The following ST7 variants were observed in gnomAD, a reference collection of about 807,000 sequenced individuals.
ST7 encodes the protein suppressor of tumorigenicity 7 protein.
A neutral mutation model predicts 78.7 loss-of-function variants in ST7; 28 were observed. The observed-to-expected ratio is 0.36, with a 90% confidence interval of 0.26 to 0.49. The LOEUF is 0.49. Ranked by LOEUF, ST7 falls within the 20% of genes least tolerant of loss-of-function variation. The pLI, the probability that ST7 is intolerant of heterozygous loss-of-function variation, is 0.99. For synonymous variants in ST7, 247 were observed against 249.6 expected (o/e 0.99, Z 0.10); for missense variants, 418 against 696.0 (o/e 0.60, Z 4.49).
chr7:116,977,251 G>A (rs1212978493), intron 1 of ST7, among the ~76,000 whole-genome samples: 1 of 152,136 alleles, frequency 6.6e-6, no homozygotes, highest in Non-Finnish European at 1.5e-5. Context: ...ACCCCACTAA[G>A]TAAGTAAGGT....
chr7:117,051,249 A>G (rs1461989405), intron 1 of ST7, among the ~76,000 whole-genome samples: 1 of 152,234 alleles, frequency 6.6e-6, no homozygotes, highest in Non-Finnish European at 1.5e-5. Context: ...ACAACAAACA[A>G]ATAGGCAACA....
chr7:117,217,866 G>A (rs556759001), intron 13 of ST7, among the ~76,000 whole-genome samples: 1 of 152,102 alleles, frequency 6.6e-6, no homozygotes, highest in African/African-American at 2.4e-5. Flanking sequence ...ATACCACTGC[G>A]GTGTAGATTG....
intron 9 of ST7, among the ~76,000 whole-genome samples, chr7:117,154,594 A>G (rs1412171341): frequency 6.6e-6 from 1 of 152,186 alleles, no homozygotes; most frequent in African/African-American, 2.4e-5. Context: ...AACTGAAAGG[A>G]GGTGAGTTAA....
At chr7:116,969,275 A>G (rs1249624316) in intron 1 of ST7, among the ~76,000 whole-genome samples, 1 of 152,058 alleles carries the variant, frequency 6.6e-6, no homozygotes, top group East Asian at 1.9e-4. Flanking sequence ...ATATCTCCCT[A>G]GAATCCTCTT....
chr7:117,099,691 A>G (rs2116797021), intron 1 of ST7, 71 bp from the exon 2 acceptor site: 1 of 1,079,046 alleles, frequency 9.3e-7, no homozygotes, highest in South Asian at 1.5e-5. Context: ...GAGAAAAATG[A>G]AAGAGCTGGT....
At chr7:117,132,948 AC>A (rs1804485712) in intron 6 of ST7, among the ~76,000 whole-genome samples, 1 of 151,884 alleles carries the variant, frequency 6.6e-6, no homozygotes, top group South Asian at 2.1e-4. Context: ...TTACTAAGCC[AC>A]CCAGTTACAC....
At chr7:117,014,802 G>A in intron 1 of ST7, 1 of 377,208 alleles carries the variant, frequency 2.7e-6, no homozygotes. Flanking sequence ...CATTTCTAAG[G>A]ACGACTTTAA....
At chr7:117,126,583 A>G (rs1415108713) in intron 3 of ST7, among the ~76,000 whole-genome samples, 1 of 151,920 alleles carries the variant, frequency 6.6e-6, no homozygotes, top group African/African-American at 2.4e-5. Context: ...AGATTAATGC[A>G]TAATTACCCA....
At chr7:117,163,562 T>G (rs1341238252) in intron 9 of ST7, among the ~76,000 whole-genome samples, 1 of 152,232 alleles carries the variant, frequency 6.6e-6, no homozygotes, top group Non-Finnish European at 1.5e-5. Context: ...GAGCATTTTT[T>G]CATAGATTTG....
intron 1 of ST7, among the ~76,000 whole-genome samples, chr7:116,971,507 A>G (rs1793417681): frequency 6.6e-6 from 1 of 151,726 alleles, no homozygotes; most frequent in Non-Finnish European, 1.5e-5. Context: ...GATTTGGTCA[A>G]TTCTAATGAA....
intron 1 of ST7, among the ~76,000 whole-genome samples, chr7:116,997,743 A>T (rs1470718996): frequency 6.6e-6 from 1 of 152,116 alleles, no homozygotes; most frequent in African/African-American, 2.4e-5. Flanking sequence ...TGATTGGTGT[A>T]TTTACAGGCC....
intron 9 of ST7, among the ~76,000 whole-genome samples, chr7:117,151,151 A>C (rs1201616448): frequency 6.6e-6 from 1 of 152,216 alleles, no homozygotes; most frequent in African/African-American, 2.4e-5. Context: ...AAAGTAACTC[A>C]AACTACTTTT....
chr7:117,167,802 T>C (rs1807685767), intron 9 of ST7, among the ~76,000 whole-genome samples: 1 of 152,118 alleles, frequency 6.6e-6, no homozygotes, highest in African/African-American at 2.4e-5. Flanking sequence ...GGCAAGTGTT[T>C]CAAAGAAAAA....
In ST7 at chr7:117,098,786, A is replaced by C. The variant is rs1299361393; in HGVS notation, c.152-976A>C. On this transcript the variant is annotated intron_variant, in intron 1 of 15. Coordinates refer to ENST00000323984, the MANE Select transcript of ST7 (RefSeq NM_001369598.1). ...TCCCTTCTACAAACAGATTCAGTAA[A>C]GAAATGTGAATACTCCCACAAAAAG... 8.4e-6 allele frequency: 11 copies of C among 1,302,040 alleles called. No homozygotes were observed. The East Asian group carries it at 6.1e-4, about 73-fold the overall frequency. 80.7% of individuals were successfully genotyped at this position (1,302,040 alleles called of 1,614,324 possible). A position where few individuals can be genotyped will look rare whatever the true frequency, so the allele number is the denominator to read the frequency against.
chr7:117,010,299 T>C (rs1355883639), intron 1 of ST7, among the ~76,000 whole-genome samples: 2 of 152,246 alleles, frequency 1.3e-5, no homozygotes, highest in Non-Finnish European at 2.9e-5. Context: ...CTTAGCTTAC[T>C]TAAATTTTGA....
At chr7:117,024,348 G>T (rs1439347910) in intron 1 of ST7, among the ~76,000 whole-genome samples, 1 of 152,120 alleles carries the variant, frequency 6.6e-6, no homozygotes, top group East Asian at 1.9e-4. Context: ...CTTTAAGTAT[G>T]ATGAATTATT....
chr7:117,090,482 T>C (rs1285721319), intron 1 of ST7, among the ~76,000 whole-genome samples: 1 of 152,142 alleles, frequency 6.6e-6, no homozygotes. Context: ...TGATGGAGGA[T>C]TGAGACACAG....
Position 117,134,174 on chromosome 7 carries a change from A to G in ST7, c.692A>G (p.Glu231Gly). The change falls in exon 7 of 16, where the codon GAG (glutamate) becomes GGG (glycine). Residue 231 changes from glutamate (E) to glycine (G), a missense_variant. Physicochemically the swap from Glu to Gly is moderately conservative, Grantham distance 98. Transcript: ENST00000323984. ...VPLIASSTIW[E>G]IKLLPKCATA... is the part of the protein sequence containing the mutation. ...CTAATTGCTTCCTCTACCATCTGGGAGATAAAATTGTTACCAAAGTAAGTC... is the reference window on the plus strand; with the variant it reads ...CTAATTGCTTCCTCTACCATCTGGGGGATAAAATTGTTACCAAAGTAAGTC... 1 of 1,611,994 alleles carries G rather than the reference A, an allele frequency of 6.2e-7. No individual in the cohort carries two copies. Among genetic ancestry groups the G allele is most frequent in the Non-Finnish European group, 8.5e-7 (1 of 1,178,760 alleles).
intron 1 of ST7, among the ~76,000 whole-genome samples, chr7:117,071,523 G>A (rs1251247148): frequency 6.6e-6 from 1 of 152,152 alleles, no homozygotes; most frequent in Non-Finnish European, 1.5e-5. Context: ...ATTCTTCAAA[G>A]ACACCATATG....
Sources: gnomAD v4.1 joint callset for allele counts (sites outside exome capture counted in the v4.1 genomes callset) on GRCh38, gnomAD v4.1.1 for gene constraint, MANE v1.5 for transcripts, NCBI Gene and HGNC (gene_info 2026-07-23, HGNC 2026-07-21) for gene names.